Variants in PKHD1 observed in about 807,000 individuals in gnomAD.
The protein encoded by PKHD1 is PKHD1 ciliary IPT domain containing fibrocystin/polyductin.
PKHD1 carries 291 observed loss-of-function variants against 412.0 expected under a neutral mutation model. That is an observed-to-expected ratio of 0.71 (90% CI 0.64 to 0.78). The LOEUF (loss-of-function observed/expected upper bound fraction) is 0.78. Among genes scored for constraint, PKHD1 ranks in the 30% least tolerant of loss-of-function variants. The probability of loss-of-function intolerance (pLI) is 0.00; values close to 1 mark genes in which losing one functional copy is unlikely to be tolerated. For missense variants in PKHD1, 4,825 were observed against 4,950.7 expected, an observed-to-expected ratio of 0.97 and a Z score of 0.76; for synonymous variants, 1,777 against 1,821.5, an observed-to-expected ratio of 0.98 and a Z score of 0.62.
At chr6:51,828,678 T>C (rs185109624) in intron 52 of PKHD1, among the ~76,000 whole-genome samples, 1 of 152,034 alleles carries the variant, frequency 6.6e-6, no homozygotes, top group East Asian at 1.9e-4. Flanking sequence ...CAGAGTCAGG[T>C]GGACAAATTT....
chr6:52,070,092 G>C (rs544568828), intron 10 of PKHD1, among the ~76,000 whole-genome samples: 2 of 152,212 alleles, frequency 1.3e-5, no homozygotes, highest in African/African-American at 4.8e-5. Context: ...TGTATTTCAT[G>C]AAACCATGTT....
intron 45 of PKHD1, among the ~76,000 whole-genome samples, chr6:51,885,293 G>GA (rs564933882): frequency 1.1e-4 from 17 of 151,998 alleles, no homozygotes; most frequent in South Asian, 4.1e-4. Flanking sequence ...TTTCCTTTAA[G>GA]AAAAAAATAG....
chr6:51,671,451 A>C (rs1474992121), intron 60 of PKHD1, among the ~76,000 whole-genome samples: 2 of 152,026 alleles, frequency 1.3e-5, no homozygotes, highest in African/African-American at 2.4e-5. Context: ...ACATTCTTCT[A>C]AACTTTTTTC....
intron 37 of PKHD1, among the ~76,000 whole-genome samples, chr6:51,924,059 T>C (rs1450722136): frequency 6.6e-6 from 1 of 152,164 alleles, no homozygotes; most frequent in East Asian, 1.9e-4. Context: ...CTTTGAAAAT[T>C]ATAAAGTGCC....
In PKHD1 at chr6:52,057,112, C is replaced by T. The variant is rs532453502; in HGVS notation, c.1513-133G>A. 5 of 713,580 alleles carry T rather than the reference C, an allele frequency of 7.0e-6. No homozygotes were observed. The South Asian group carries it at 7.7e-5, about 11-fold the overall frequency. 44.2% of individuals were successfully genotyped at this position (713,580 alleles called of 1,614,324 possible). A position where few individuals can be genotyped will look rare whatever the true frequency, so the allele number is the denominator to read the frequency against. ...TAATTTTAACTTTTCAATGCTTTAA[C>T]ATTCAGAAATCTCTGAGGAACACAG... is the stretch of plus-strand genomic sequence containing the variant. On this transcript the variant is annotated intron_variant, in intron 16 of 66. Transcript: ENST00000371117.
chr6:51,638,825 T>C, intron 64 of PKHD1, 24 bp downstream of exon 64: 1 of 971,242 alleles, frequency 1.0e-6, no homozygotes, highest in Non-Finnish European at 1.5e-6. Context: ...AAACACAGAA[T>C]AAAAGCACAC....
At chr6:51,849,472 T>C (rs1476254492) in intron 49 of PKHD1, among the ~76,000 whole-genome samples, 2 of 152,230 alleles carry the variant, frequency 1.3e-5, no homozygotes, top group Admixed American at 6.5e-5. Context: ...ATTGCCATAC[T>C]GTCTTCCACA....
intron 36 of PKHD1, among the ~76,000 whole-genome samples, chr6:51,939,249 G>A (rs921540313): frequency 6.7e-5 from 10 of 149,226 alleles, no homozygotes; most frequent in African/African-American, 1.7e-4. Context: ...TTCACCCTTA[G>A]TGGCAAGTAC....
In PKHD1 at chr6:52,048,044, G is replaced by A. The variant is rs187315967; in HGVS notation, c.2407+448C>T. 4.5e-3 allele frequency among the ~76,000 whole-genome samples: 686 copies of A among 152,306 alleles called. 7 individuals carry two copies. Among genetic ancestry groups the A allele is most frequent in the Middle Eastern group, 0.017 (5 of 294 alleles). ...GAAGAAGCAACGTGACCACAGAGGC[G>A]GTGGTTGGAGTGATATGGCCACAGC... On this transcript the variant is annotated intron_variant, in intron 23 of 66. Coordinates refer to ENST00000371117, the MANE Select transcript of PKHD1 (RefSeq NM_138694.4).
chr6:51,904,085 C>T lies in PKHD1; in HGVS notation c.6809-43G>A, dbSNP rs933852060. 20 of 1,304,592 alleles carry T rather than the reference C, an allele frequency of 1.5e-5. No homozygotes were observed. The Middle Eastern group carries it at 5.5e-4, about 36-fold the overall frequency. 80.8% of individuals were successfully genotyped at this position (1,304,592 alleles called of 1,614,324 possible). The stretch of plus-strand genomic sequence containing the variant: ...CATTACTTGAGTATATTTTATGTCA[C>T]TTAGGAAAACAAGAGATGCTGCAAC... On this transcript the variant is annotated intron_variant, in intron 41 of 66. Transcript: ENST00000371117.
intron 64 of PKHD1, among the ~76,000 whole-genome samples, chr6:51,635,902 G>T (rs1373491809): frequency 6.8e-6 from 1 of 147,798 alleles, no homozygotes; most frequent in Non-Finnish European, 1.5e-5. Context: ...GGTGATACCT[G>T]GTTACATTAA....
intron 60 of PKHD1, among the ~76,000 whole-genome samples, chr6:51,681,008 A>G (rs893017004): frequency 2.0e-5 from 3 of 152,060 alleles, no homozygotes; most frequent in Non-Finnish European, 2.9e-5. Flanking sequence ...AACCAAATAC[A>G]TAAGTGGCAT....
intron 50 of PKHD1, among the ~76,000 whole-genome samples, chr6:51,846,347 C>T (rs1001657514): frequency 6.6e-6 from 1 of 152,174 alleles, no homozygotes; most frequent in Non-Finnish European, 1.5e-5. Flanking sequence ...CATTGCCTCG[C>T]CCTCTAAATC....
chr6:51,628,667 C>T lies in PKHD1; in HGVS notation c.11666-1551G>A, dbSNP rs1375526377. Among the ~76,000 whole-genome samples the T allele has an allele frequency of 3.9e-5, 6 of 152,244 alleles. No homozygotes were observed. In the East Asian group the frequency reaches 1.2e-3, roughly 29 times the overall value. On this transcript the variant is annotated intron_variant, in intron 65 of 66. Transcript: ENST00000371117. Reference sequence around the variant, plus strand: ...ATCTCCAAACTGTTTTGCATAGTGGCTGAACTAATTTACATTCCCACCAAC... The same window carrying T: ...ATCTCCAAACTGTTTTGCATAGTGGTTGAACTAATTTACATTCCCACCAAC...
At chr6:51,913,785 G>A (rs1420081254) in intron 37 of PKHD1, among the ~76,000 whole-genome samples, 3 of 152,110 alleles carry the variant, frequency 2.0e-5, no homozygotes, top group Non-Finnish European at 2.9e-5. Context: ...GGTTTAGAAA[G>A]GTCTCTGGGT....
intron 36 of PKHD1, among the ~76,000 whole-genome samples, chr6:51,955,372 C>T (rs1038425348): frequency 1.3e-5 from 2 of 152,130 alleles, no homozygotes; most frequent in Non-Finnish European, 2.9e-5. Context: ...GTACATATAG[C>T]ATCATAAATA....
At chr6:52,009,322 G>A (rs1799503528) in intron 35 of PKHD1, among the ~76,000 whole-genome samples, 1 of 152,168 alleles carries the variant, frequency 6.6e-6, no homozygotes, top group South Asian at 2.1e-4. Context: ...GAAAAAAAAT[G>A]TTGTTTGCCA....
chr6:51,709,338 T>C (rs944084049), intron 60 of PKHD1, among the ~76,000 whole-genome samples: 2 of 152,192 alleles, frequency 1.3e-5, no homozygotes, highest in African/African-American at 4.8e-5. Flanking sequence ...TGGAAACACT[T>C]CCAGGGGTGT....
At chr6:51,952,406 C>G (rs10456655) in intron 36 of PKHD1, among the ~76,000 whole-genome samples, 24,653 of 152,054 alleles carry the variant, frequency 0.16, 2,833 homozygotes, top group Admixed American at 0.36. Flanking sequence ...TTAGCTTATT[C>G]ATTCAGCCAT....
Sources: allele counts gnomAD v4.1 joint callset (sites outside exome capture counted in the v4.1 genomes callset), GRCh38; gene constraint gnomAD v4.1.1; transcripts MANE v1.5; gene names NCBI Gene and HGNC (gene_info 2026-07-23, HGNC 2026-07-21).